SOX5: variants seen among roughly 807,000 people sequenced by gnomAD.
The protein encoded by SOX5 is SRY-box transcription factor 5, also known as transcription factor SOX-5.
Under a neutral mutation model 92.0 loss-of-function variants are expected in SOX5, and 9 were observed. The observed-to-expected ratio is 0.10, with a 90% CI of 0.06 to 0.17. SOX5 has a LOEUF of 0.17. Among genes scored for constraint, SOX5 ranks in the 10% least tolerant of loss-of-function variants. The pLI is 1.00. For missense variants in SOX5, 642 were observed against 944.5 expected (o/e 0.68, Z 4.20); for synonymous variants, 344 against 336.3 (o/e 1.02, Z -0.25).
chr12:24,194,432 TGTAGGTAG>T (rs1246191280), intron 4 of SOX5, among the ~76,000 whole-genome samples: 5 of 99,288 alleles, frequency 5.0e-5, no homozygotes, highest in South Asian at 5.9e-4. Context: ...TAGGTAGGTA[TGTAGGTAG>T]GTAGGTAGGT....
chr12:24,422,348 T>G (rs181458888), intron 1 of SOX5, among the ~76,000 whole-genome samples: 2 of 152,286 alleles, frequency 1.3e-5, no homozygotes, highest in Admixed American at 1.3e-4. Context: ...TGAGTAATTC[T>G]ATCAAAAAAA....
chr12:24,335,224 A>G (rs1338421716), intron 2 of SOX5, among the ~76,000 whole-genome samples: 1 of 151,946 alleles, frequency 6.6e-6, no homozygotes, highest in African/African-American at 2.4e-5. Flanking sequence ...GAATGTTCAC[A>G]ACATGCAGCA....
intron 3 of SOX5, among the ~76,000 whole-genome samples, chr12:23,805,314 G>A (rs1453111049): frequency 6.6e-6 from 1 of 151,544 alleles, no homozygotes; most frequent in Non-Finnish European, 1.5e-5. Flanking sequence ...GGTATATGTT[G>A]ATGCATATGT....
chr12:24,239,815 T>G (rs1035886548), intron 3 of SOX5, among the ~76,000 whole-genome samples: 1 of 152,190 alleles, frequency 6.6e-6, no homozygotes, highest in Non-Finnish European at 1.5e-5. Flanking sequence ...TTCTGCAATT[T>G]ATGTTTATGC....
chr12:23,950,941 C>A, upstream of SOX5: 2 of 1,422,416 alleles, frequency 1.4e-6, no homozygotes, highest in South Asian at 1.2e-5. Flanking sequence ...CACACACTTA[C>A]CAACAGGAGA....
At chr12:24,111,929 CA>C (rs1947397222) in intron 4 of SOX5, among the ~76,000 whole-genome samples, 2 of 151,956 alleles carry the variant, frequency 1.3e-5, no homozygotes, top group Admixed American at 6.6e-5. Context: ...ATCTCTATTC[CA>C]TCTAGTTTTT....
chr12:24,467,330 G>A (rs1944335279), intron 1 of SOX5, among the ~76,000 whole-genome samples: 2 of 152,210 alleles, frequency 1.3e-5, no homozygotes, highest in Admixed American at 1.3e-4. Context: ...TAATGAGAAA[G>A]AGAGACAGAA....
At chr12:24,081,941 T>C (rs1178494568) in intron 4 of SOX5, among the ~76,000 whole-genome samples, 1 of 151,944 alleles carries the variant, frequency 6.6e-6, no homozygotes, top group African/African-American at 2.4e-5. Flanking sequence ...CATGACAAAA[T>C]CTATTCTTCC....
At chr12:23,569,994 C>A (rs1274850114) in intron 10 of SOX5, among the ~76,000 whole-genome samples, 1 of 152,142 alleles carries the variant, frequency 6.6e-6, no homozygotes, top group Admixed American at 6.6e-5. Flanking sequence ...TTGAAAGTAT[C>A]TGCCTTGATA....
At chr12:24,342,028 T>C (rs1005075737) in intron 2 of SOX5, among the ~76,000 whole-genome samples, 1 of 152,206 alleles carries the variant, frequency 6.6e-6, no homozygotes, top group Non-Finnish European at 1.5e-5. Flanking sequence ...TGATTGACCC[T>C]CGTGGACACA....
chr12:24,366,099 G>A (rs1003073985), intron 2 of SOX5, among the ~76,000 whole-genome samples: 6 of 151,976 alleles, frequency 3.9e-5, no homozygotes, highest in Admixed American at 1.3e-4. Flanking sequence ...GTCACTATTC[G>A]AATTTCTTAT....
chr12:23,657,042 T>C (rs1055059000), intron 7 of SOX5, among the ~76,000 whole-genome samples: 2 of 152,032 alleles, frequency 1.3e-5, no homozygotes, highest in African/African-American at 4.8e-5. Context: ...TCTTTGAAAA[T>C]AGAGCCAAAA....
intron 11 of SOX5, among the ~76,000 whole-genome samples, chr12:23,561,039 C>A (rs966106982): frequency 6.6e-6 from 1 of 152,072 alleles, no homozygotes; most frequent in Non-Finnish European, 1.5e-5. Flanking sequence ...ATTATAAGAC[C>A]ATAGTTCAAG....
At chr12:24,128,719 C>T (rs1300547738) in intron 4 of SOX5, among the ~76,000 whole-genome samples, 1 of 152,096 alleles carries the variant, frequency 6.6e-6, no homozygotes, top group African/African-American at 2.4e-5. Context: ...ATGGCAAAGA[C>T]TTTAGGTTTA....
chr12:23,755,530 T>C (rs912468616), intron 4 of SOX5, 108 bp downstream of exon 4: 15 of 745,274 alleles, frequency 2.0e-5, no homozygotes, highest in Non-Finnish European at 3.3e-5. Context: ...ACACAGAGAA[T>C]GCAAGAAGCA....
At chr12:24,400,868 A>C (rs1235381320) in intron 1 of SOX5, among the ~76,000 whole-genome samples, 2 of 152,238 alleles carry the variant, frequency 1.3e-5, no homozygotes, top group Non-Finnish European at 2.9e-5. Context: ...AAATGACTTT[A>C]TAAATGTCAG....
chr12:23,904,487 C>T (rs932694127), intron 1 of SOX5, among the ~76,000 whole-genome samples: 3 of 152,132 alleles, frequency 2.0e-5, no homozygotes, highest in Admixed American at 6.5e-5. Context: ...GTAATCTTCA[C>T]TATGTATTTC....
At chr12:24,419,851 T>TA (rs931174181) in intron 1 of SOX5, among the ~76,000 whole-genome samples, 2 of 151,892 alleles carry the variant, frequency 1.3e-5, no homozygotes, top group African/African-American at 4.8e-5. Flanking sequence ...AATACCATGC[T>TA]AAAAAAAAGT....
At chr12:24,265,905 G>A (rs545301623) in intron 3 of SOX5, among the ~76,000 whole-genome samples, 1 of 152,182 alleles carries the variant, frequency 6.6e-6, no homozygotes, top group East Asian at 1.9e-4. Context: ...TCTAACCAGA[G>A]TCTTATATTT....
Sources: gnomAD v4.1 joint callset for allele counts (sites outside exome capture counted in the v4.1 genomes callset) on GRCh38, gnomAD v4.1.1 for gene constraint, MANE v1.5 for transcripts, NCBI Gene and HGNC (gene_info 2026-07-23, HGNC 2026-07-21) for gene names.